The following HAS3 variants were observed in gnomAD, a reference collection of about 807,000 sequenced individuals.
HAS3 encodes the protein hyaluronan synthase 3, also known as HA synthase 3.
A neutral mutation model predicts 50.3 loss-of-function variants in HAS3; 27 were observed. That is an observed-to-expected ratio of 0.54 (90% confidence interval 0.40 to 0.74). The LOEUF (loss-of-function observed/expected upper bound fraction) is 0.74. HAS3 is among the 30% of genes least tolerant of loss of function. HAS3 has a pLI of 0.00. For missense variants in HAS3, 517 were observed against 742.8 expected, an observed-to-expected ratio of 0.70 and a Z score of 3.53; for synonymous variants, 339 against 310.9, an observed-to-expected ratio of 1.09 and a Z score of -0.95.
chr16:69,101,834 G>A (rs1443250943), upstream of HAS3, among the ~76,000 whole-genome samples: 3 of 151,062 alleles, frequency 2.0e-5, no homozygotes, highest in East Asian at 2.0e-4. Flanking sequence ...GCCCAGGCTC[G>A]AGTGCAGTGG....
Position 69,115,410 on chromosome 16 carries a change from C to A in HAS3, c.*144C>A. 7.2e-7 allele frequency: 1 copy of A among 1,383,934 alleles called. No individual in the cohort carries two copies. The highest frequency in any genetic ancestry group is 9.3e-7 in the Non-Finnish European group (1 of 1,073,386). 85.7% of individuals were successfully genotyped at this position (1,383,934 alleles called of 1,614,324 possible). A position where few individuals can be genotyped will look rare whatever the true frequency, so the allele number is the denominator to read the frequency against. On this transcript the variant is annotated 3_prime_UTR_variant, in exon 4 of 4. Coordinates refer to ENST00000569188, the MANE Select transcript of HAS3 (RefSeq NM_001199280.2). ...AAGGACAAATCTAAAATGCAAAGAA[C>A]GGTGATGTAGTATGGCCTGACAGCT...
At chr16:69,091,699 C>T in the HAS3 span, among the ~76,000 whole-genome samples, 8 of 152,190 alleles carry the variant, frequency 5.3e-5, no homozygotes, top group African/African-American at 7.2e-5. Flanking sequence ...CACCAGCAGC[C>T]GTGTCCCAGG....
chr16:69,095,754 G>A, the HAS3 span, among the ~76,000 whole-genome samples: 57 of 152,160 alleles, frequency 3.7e-4, no homozygotes. Context: ...GACATATTTT[G>A]GCAGGGGGTC....
chr16:69,087,765 C>T, the HAS3 span, among the ~76,000 whole-genome samples: 6 of 139,110 alleles, frequency 4.3e-5, no homozygotes, highest in Non-Finnish European at 7.6e-5. Context: ...TGCAATGGTG[C>T]GATCTTGGCT....
At position 69,116,765 on chromosome 16, in the gene HAS3, C is replaced by T. The variant is rs747208722; in HGVS notation, c.*1499C>T. On this transcript the variant is annotated 3_prime_UTR_variant, in exon 4 of 4. Transcript: ENST00000569188. Reference sequence around the variant, plus strand: ...GACTTGCAATCCAGGCTGTTCTCAGCGTTTTGAGTTTAAAACCTGGGATCC... The same window carrying T: ...GACTTGCAATCCAGGCTGTTCTCAGTGTTTTGAGTTTAAAACCTGGGATCC... 15 of 985,162 alleles carry T rather than the reference C, an allele frequency of 1.5e-5. No homozygotes were observed. Among genetic ancestry groups the T allele is most frequent in the Middle Eastern group, 5.2e-4 (1 of 1,936 alleles). 61.0% of individuals were successfully genotyped at this position (985,162 alleles called of 1,614,324 possible). A position where few individuals can be genotyped will look rare whatever the true frequency, so the allele number is the denominator to read the frequency against.
downstream of HAS3, chr16:69,118,210 G>C (rs572771739): frequency 1.6e-6 from 1 of 625,662 alleles, no homozygotes; most frequent in African/African-American, 1.8e-5. Flanking sequence ...CAGTGAAGAG[G>C]GAGTTGGATG....
downstream of HAS3, chr16:69,118,181 TTTGA>T (rs373811879): frequency 4.8e-5 from 27 of 561,588 alleles, no homozygotes; most frequent in South Asian, 3.7e-4. Flanking sequence ...TTTGAGGTTC[TTTGA>T]TTGATTGGGA....
At chr16:69,096,300 G>T in the HAS3 span, among the ~76,000 whole-genome samples, 429 of 149,438 alleles carry the variant, frequency 2.9e-3, 3 homozygotes, top group South Asian at 5.7e-3. Flanking sequence ...TGGAGGTGAG[G>T]CAGGTGGATC....
the HAS3 span, among the ~76,000 whole-genome samples, chr16:69,090,595 T>C: frequency 2.0e-5 from 3 of 151,620 alleles, no homozygotes; most frequent in Non-Finnish European, 4.4e-5. Flanking sequence ...TTAGACGGAG[T>C]CTTGCTCTGT....
rs1333748714 is a variant in HAS3 at position 69,117,387 on chromosome 16, TG to T, written c.*2123del. ...TGGGCTCACAACGTTTGACCTCGAC[TG>T]GTTTTTCTAAGTTATTTTGTACATT... On this transcript the variant is annotated 3_prime_UTR_variant, in exon 4 of 4. Transcript: ENST00000569188. The T allele has an allele frequency of 3.0e-6, 3 of 985,706 alleles. No homozygotes were observed. The highest frequency in any genetic ancestry group is 5.2e-4 in the Middle Eastern group (1 of 1,936). The allele number at this position is 985,706 out of a possible 1,614,324, so 61.1% of individuals were successfully genotyped here.
rs773018279 is a variant in HAS3 at position 69,114,993 on chromosome 16, A to G, written c.1389A>G (p.Lys463=). The G allele has an allele frequency of 6.2e-7, 1 of 1,613,992 alleles. No individual in the cohort carries two copies. Among genetic ancestry groups the G allele is most frequent in the Admixed American group, 1.7e-5 (1 of 59,994 alleles). Residue 463 remains lysine (K), a synonymous_variant, in exon 4 of 4, where the codon AAA becomes AAG. Transcript: ENST00000569188. The surrounding 1 kb of genome is among the most constrained non-coding windows in gnomAD (Gnocchi z 6.4). ...AKIFAIATIN[K]SGWGTSGRKT... is the part of the protein sequence containing the mutation. ...TCTTTGCCATTGCTACCATCAACAAATCTGGCTGGGGCACCTCTGGCCGAA... is the reference window on the plus strand; with the variant it reads ...TCTTTGCCATTGCTACCATCAACAAGTCTGGCTGGGGCACCTCTGGCCGAA...
At chr16:69,118,164 T>C, downstream of HAS3, 1 of 324,108 alleles carries the variant, frequency 3.1e-6, no homozygotes, top group Non-Finnish European at 5.9e-6. Context: ...TCCACATCAG[T>C]TTAAATTTTG....
chr16:69,096,534 C>CAAAAA, the HAS3 span, among the ~76,000 whole-genome samples: 22 of 35,342 alleles, frequency 6.2e-4, 1 homozygote, highest in East Asian at 1.3e-3. Flanking sequence ...GACTCTGTCT[C>CAAAAA]AAAAAAAAAA....
At chr16:69,103,235 C>T (rs1464226354), upstream of HAS3, among the ~76,000 whole-genome samples, 1 of 152,150 alleles carries the variant, frequency 6.6e-6, no homozygotes, top group African/African-American at 2.4e-5. Flanking sequence ...TGCCAAGCCC[C>T]TGCTTATTTT....
Position 69,114,438 on chromosome 16 carries a change from C to T in HAS3, c.834C>T (p.Gly278=), listed in dbSNP as rs375293435. The T allele has an allele frequency of 4.3e-5, 69 of 1,613,614 alleles. No individual in the cohort carries two copies. The Middle Eastern group carries it at 6.6e-4, about 15-fold the overall frequency. Residue 278 remains glycine (G), a synonymous_variant, in exon 4 of 4, where the codon GGC becomes GGT. Transcript: ENST00000569188. The surrounding 1 kb of genome is among the most constrained non-coding windows in gnomAD (Gnocchi z 6.4). ...NVERACQSYF[G]CVQCISGPLG... is the part of the protein sequence containing the mutation. ...AGCGGGCCTGCCAGTCCTACTTTGG[C>T]TGTGTGCAGTGTATTAGTGGGCCCT... is the stretch of plus-strand genomic sequence containing the variant.
At chr16:69,112,353 G>A (rs546436602) in intron 2 of HAS3, among the ~76,000 whole-genome samples, 16 of 152,314 alleles carry the variant, frequency 1.1e-4, no homozygotes, top group African/African-American at 3.4e-4. Flanking sequence ...GGGGAGGTGG[G>A]AAGAAGCACA....
Position 69,115,454 on chromosome 16 carries a change from A to G in HAS3, c.*188A>G, listed in dbSNP as rs76552060. ...GACAGCTCTGTTTAGAGGAGGCAAC[A>G]CTGATCCCCCAGATGCAGGGCTGCA... On this transcript the variant is annotated 3_prime_UTR_variant, in exon 4 of 4. Transcript: ENST00000569188. 3.6e-3 allele frequency: 4,722 copies of G among 1,297,792 alleles called. 168 individuals carry two copies. In the South Asian group the frequency reaches 0.081, roughly 22 times the overall value. The allele number at this position is 1,297,792 out of a possible 1,614,324, so 80.4% of individuals were successfully genotyped here.
At chr16:69,100,938 G>T (rs1011956966), upstream of HAS3, among the ~76,000 whole-genome samples, 1 of 152,084 alleles carries the variant, frequency 6.6e-6, no homozygotes, top group Non-Finnish European at 1.5e-5. Context: ...ATTATTCCTT[G>T]TCACTGCCTG....
chr16:69,107,429 C>T lies in HAS3; in HGVS notation c.-1+1642C>T, dbSNP rs1014651408. On this transcript the variant is annotated intron_variant, in intron 1 of 3. Transcript: ENST00000569188. The surrounding 1 kb of genome is among the most constrained non-coding windows in gnomAD (Gnocchi z 5.5). Reference sequence around the variant, plus strand: ...GAGCAGGGCCTGGTCCGACTGGGATCCCTTGGGTTTTCCGTTCCTTCCCGG... The same window carrying T: ...GAGCAGGGCCTGGTCCGACTGGGATTCCTTGGGTTTTCCGTTCCTTCCCGG... The T allele has an allele frequency of 1.9e-5, 19 of 985,428 alleles. No individual in the cohort carries two copies. The highest frequency in any genetic ancestry group is 2.2e-5 in the Non-Finnish European group (18 of 830,000). 61.0% of individuals were successfully genotyped at this position (985,428 alleles called of 1,614,324 possible).
Sources: allele counts gnomAD v4.1 joint callset (sites outside exome capture counted in the v4.1 genomes callset), GRCh38; gene constraint gnomAD v4.1.1; non-coding constraint Gnocchi (gnomAD v3.1); transcripts MANE v1.5; gene names NCBI Gene and HGNC (gene_info 2026-07-23, HGNC 2026-07-21).